Variants in TLE1 observed in about 807,000 individuals in gnomAD.
TLE1 encodes the protein transducin-like enhancer protein 1.
Under a neutral mutation model 89.8 loss-of-function variants are expected in TLE1, and 21 were observed. The observed-to-expected ratio is 0.23, with a 90% CI of 0.17 to 0.34. The LOEUF (loss-of-function observed/expected upper bound fraction) is 0.34. Among genes scored for constraint, TLE1 ranks in the 10% least tolerant of loss-of-function variants. TLE1 has a pLI of 1.00. For synonymous variants in TLE1, 447 were observed against 407.6 expected (o/e 1.10, Z -1.16); for missense variants, 795 against 1,031.2 (o/e 0.77, Z 3.14).
intron 6 of TLE1, among the ~76,000 whole-genome samples, chr9:81,640,745 T>C (rs1482311184): frequency 6.6e-6 from 1 of 152,162 alleles, no homozygotes; most frequent in African/African-American, 2.4e-5. Context: ...GCTGTTTACA[T>C]TCAGAGTGTT....
intron 7 of TLE1, 74 bp from the exon 8 acceptor site, chr9:81,633,438 AG>A (rs1491492476): frequency 6.2e-7 from 1 of 1,609,910 alleles, no homozygotes; most frequent in East Asian, 2.2e-5. Context: ...AATAAAAAAA[AG>A]GGGGGAATAA....
At chr9:81,685,768 A>C in intron 3 of TLE1, 48 bp from the exon 4 acceptor site, 1 of 1,611,942 alleles carries the variant, frequency 6.2e-7, no homozygotes. Flanking sequence ...CATGTTTTTT[A>C]CACTCTGCTA....
intron 9 of TLE1, among the ~76,000 whole-genome samples, chr9:81,619,843 A>C (rs76698434): frequency 0.021 from 3,161 of 152,242 alleles, 114 homozygotes; most frequent in African/African-American, 0.072. Flanking sequence ...GAGTGATCTC[A>C]TCTACAGAAT....
intron 9 of TLE1, among the ~76,000 whole-genome samples, chr9:81,619,867 C>T (rs1374611724): frequency 6.6e-6 from 1 of 152,142 alleles, no homozygotes. Flanking sequence ...AACAAGATGC[C>T]TCTGGGGTTT....
intron 4 of TLE1, among the ~76,000 whole-genome samples, chr9:81,663,340 T>C (rs913590777): frequency 2.8e-5 from 1 of 35,606 alleles, no homozygotes; most frequent in East Asian, 7.0e-4. Flanking sequence ...TTGTCCAAGA[T>C]CATAGAGCAA....
chr9:81,611,834 T>C lies in TLE1; in HGVS notation c.1189A>G (p.Met397Val), dbSNP rs770610621. ...PGAAYASLHN[M>V]SPQMSAAAAA... is the part of the protein sequence containing the mutation. ...GCTGCGGCGCTCATCTGGGGCGACA[T>C]GTTGTGTAAACTGGCGTAGGCAGCG... Residue 397 changes from methionine to valine, a missense_variant, in exon 13 of 20, where the codon ATG (methionine) becomes GTG (valine). Around this residue, in one of 4 missense-constraint regions of TLE1, gnomAD observed 468 missense variants for 509.1 expected, o/e 0.92. Coordinates refer to ENST00000376499, the MANE Select transcript of TLE1 (RefSeq NM_005077.5). 6.4e-7 allele frequency: 1 copy of C among 1,560,716 alleles called. No homozygotes were observed. Among genetic ancestry groups the C allele is most frequent in the African/African-American group, 1.4e-5 (1 of 70,596 alleles).
chr9:81,641,420 A>G (rs1828100892), intron 6 of TLE1, among the ~76,000 whole-genome samples: 2 of 152,242 alleles, frequency 1.3e-5, no homozygotes, highest in South Asian at 4.1e-4. Flanking sequence ...CAGCCACTTG[A>G]AGACAATAAC....
chr9:81,676,954 T>C (rs537415600), intron 4 of TLE1, among the ~76,000 whole-genome samples: 20 of 152,324 alleles, frequency 1.3e-4, no homozygotes, highest in Admixed American at 2.0e-4. Flanking sequence ...CTTACAAATT[T>C]GGCCGGGCAT....
At chr9:81,671,599 T>C (rs1832233167) in intron 4 of TLE1, among the ~76,000 whole-genome samples, 1 of 150,776 alleles carries the variant, frequency 6.6e-6, no homozygotes. Flanking sequence ...GAGCCAAGAT[T>C]GCGCCACTAC....
At chr9:81,665,747 G>A (rs572808979) in intron 4 of TLE1, among the ~76,000 whole-genome samples, 2 of 152,074 alleles carry the variant, frequency 1.3e-5, no homozygotes, top group Non-Finnish European at 2.9e-5. Flanking sequence ...TGAGTGTGGG[G>A]CCCATCAAAG....
intron 4 of TLE1, among the ~76,000 whole-genome samples, chr9:81,658,155 A>AC (rs1830362567): frequency 1.3e-5 from 2 of 151,716 alleles, no homozygotes; most frequent in African/African-American, 2.4e-5. Context: ...CAAGTGATCC[A>AC]CCTGCCTCAG....
chr9:81,593,577 C>T (rs1829834791), intron 14 of TLE1, among the ~76,000 whole-genome samples: 1 of 152,154 alleles, frequency 6.6e-6, no homozygotes. Flanking sequence ...TTATAAAACA[C>T]TTAATGTACT....
rs114031378 is a variant in TLE1, at chr9:81,614,332, G to C, written c.919-811C>G. On this transcript the variant is annotated intron_variant, in intron 11 of 19. Coordinates refer to ENST00000376499, the MANE Select transcript of TLE1 (RefSeq NM_005077.5). ...CTAACCTTACCAATATGCCTAAAAAGAACAACACTTTGGAGTTAAGAGTCA... is the reference window on the plus strand; with the variant it reads ...CTAACCTTACCAATATGCCTAAAAACAACAACACTTTGGAGTTAAGAGTCA... Among the ~76,000 whole-genome samples the C allele has an allele frequency of 3.8e-3, 575 of 152,282 alleles. 4 individuals carry two copies. Among genetic ancestry groups the C allele is most frequent in the African/African-American group, 0.013 (521 of 41,566 alleles).
intron 9 of TLE1, among the ~76,000 whole-genome samples, chr9:81,619,800 C>T (rs909179428): frequency 1.3e-5 from 2 of 152,188 alleles, no homozygotes; most frequent in Admixed American, 6.5e-5. Flanking sequence ...TTAGCTGGAT[C>T]TGTGACAAGA....
chr9:81,634,257 G>A lies in TLE1; in HGVS notation c.417C>T (p.Pro139=), dbSNP rs1444195624. Residue 139 remains proline, a synonymous_variant, in exon 7 of 20, where the codon CCC becomes CCT. Transcript: ENST00000376499. ...AAGGGTGAGGCGTAAGGGGAACTGG[G>A]GGTCCGTGGCCATGAGAAAGATGCT... ...QAQHLSHGHG[P]PVPLTPHPSG... is the part of the protein sequence containing the mutation. 5 of 1,565,614 alleles carry A rather than the reference G, an allele frequency of 3.2e-6. No homozygotes were observed. Among genetic ancestry groups the A allele is most frequent in the Non-Finnish European group, 4.3e-6 (5 of 1,150,788 alleles).
At chr9:81,624,122 T>C (rs11139344) in intron 8 of TLE1, among the ~76,000 whole-genome samples, 32,090 of 152,154 alleles carry the variant, frequency 0.21, 3,847 homozygotes, top group East Asian at 0.28. Context: ...CCTGGCTCTT[T>C]CAACTACTGC....
chr9:81,675,462 C>T (rs979845050), intron 4 of TLE1, among the ~76,000 whole-genome samples: 2 of 152,032 alleles, frequency 1.3e-5, no homozygotes, highest in South Asian at 2.1e-4. Context: ...ACAGTAATGC[C>T]TGCACATGCT....
intron 14 of TLE1, among the ~76,000 whole-genome samples, chr9:81,603,652 C>T (rs1041743204): frequency 6.6e-6 from 1 of 152,190 alleles, no homozygotes; most frequent in Admixed American, 6.5e-5. Context: ...TTACTGCCTC[C>T]AGCCCAAAAC....
At chr9:81,602,096 T>G (rs753344999) in intron 14 of TLE1, among the ~76,000 whole-genome samples, 1 of 151,974 alleles carries the variant, frequency 6.6e-6, no homozygotes, top group Non-Finnish European at 1.5e-5. Flanking sequence ...ATGAAGGAGG[T>G]AGCAACTCAA....
Sources: allele counts gnomAD v4.1 joint callset (sites outside exome capture counted in the v4.1 genomes callset), GRCh38; gene constraint gnomAD v4.1.1; regional missense constraint gnomAD v4.1.1; transcripts MANE v1.5; gene names NCBI Gene and HGNC (gene_info 2026-07-23, HGNC 2026-07-21).